Variants in RYR3 observed in about 807,000 individuals in gnomAD.
RYR3 encodes the protein ryanodine receptor 3, also known as brain ryanodine receptor-calcium release channel.
RYR3 carries 207 observed loss-of-function variants against 584.3 expected under a neutral mutation model. The ratio of observed to expected loss-of-function variants is 0.35; its 90% confidence interval spans 0.32 to 0.40. RYR3 has a LOEUF of 0.40. Among genes scored for constraint, RYR3 ranks in the 10% least tolerant of loss-of-function variants. RYR3 has a pLI of 1.00. For synonymous variants in RYR3, 2,416 were observed against 2,248.5 expected, an observed-to-expected ratio of 1.07 and a Z score of -2.11; for missense variants, 5,616 against 6,089.2, an observed-to-expected ratio of 0.92 and a Z score of 2.59.
intron 2 of RYR3, among the ~76,000 whole-genome samples, chr15:33,493,015 T>C (rs1353826575): frequency 1.1e-4 from 16 of 152,152 alleles, no homozygotes; most frequent in Admixed American, 1.0e-3. Flanking sequence ...GTAAGTGGAA[T>C]GGGAAAGGAA....
intron 1 of RYR3, among the ~76,000 whole-genome samples, chr15:33,416,529 A>C (rs2043821124): frequency 6.6e-6 from 1 of 151,920 alleles, no homozygotes; most frequent in African/African-American, 2.4e-5. Flanking sequence ...CTTACTTTTT[A>C]ATGGGTTATA....
chr15:33,482,489 C>T (rs143218439), intron 2 of RYR3, among the ~76,000 whole-genome samples: 4,345 of 152,076 alleles, frequency 0.029, 74 homozygotes, highest in African/African-American at 0.03. Context: ...GCGCCATCTC[C>T]GCTCCCTGCA....
chr15:33,496,547 G>T (rs548881473), intron 2 of RYR3, among the ~76,000 whole-genome samples: 3 of 152,066 alleles, frequency 2.0e-5, no homozygotes, highest in South Asian at 2.1e-4. Context: ...AAAAGCAAAG[G>T]GGGGAGACAA....
At chr15:33,857,712 T>G (rs890561969) in intron 98 of RYR3, 68 bp from the exon 99 acceptor site, 1 of 1,577,240 alleles carries the variant, frequency 6.3e-7, no homozygotes, top group Admixed American at 1.8e-5. Context: ...TTTCTTAGAG[T>G]CTCCTGTGAA....
At chr15:33,504,937 C>T (rs1326864515) in intron 3 of RYR3, among the ~76,000 whole-genome samples, 1 of 152,222 alleles carries the variant, frequency 6.6e-6, no homozygotes, top group Non-Finnish European at 1.5e-5. Flanking sequence ...TGAGAAGCCT[C>T]TGCTGACCCC....
At position 33,746,150 on chromosome 15, in the gene RYR3, C is replaced by T. The variant is rs200246566; in HGVS notation, c.7982C>T (p.Thr2661Met). Residue 2661 changes from threonine to methionine, a missense_variant, in exon 53 of 104, where the codon ACG (threonine) becomes ATG (methionine). Transcript: ENST00000634891. ...CTGATAAGGCCTTTCAAGACATTAACGGAGAAGGTAAGAAGCAGGCCTCTG... is the reference window on the plus strand; with the variant it reads ...CTGATAAGGCCTTTCAAGACATTAATGGAGAAGGTAAGAAGCAGGCCTCTG... ...HPLIRPFKTLTEKEKEIYRWP... is the reference protein window; with the variant it reads ...HPLIRPFKTLMEKEKEIYRWP... 120 of 1,591,314 alleles carry T rather than the reference C, an allele frequency of 7.5e-5. No homozygotes were observed. The African/African-American group carries it at 1.2e-3, about 17-fold the overall frequency.
At chr15:33,558,066 G>T (rs2057184215) in intron 10 of RYR3, among the ~76,000 whole-genome samples, 1 of 151,826 alleles carries the variant, frequency 6.6e-6, no homozygotes, top group Admixed American at 6.6e-5. Flanking sequence ...AGAAATCCCA[G>T]TTTTTTTTCT....
intron 1 of RYR3, among the ~76,000 whole-genome samples, chr15:33,442,483 T>C (rs779324564): frequency 2.0e-5 from 3 of 152,232 alleles, no homozygotes; most frequent in Non-Finnish European, 4.4e-5. Flanking sequence ...AGAGAACTAT[T>C]TGAGAATTTC....
At chr15:33,404,766 G>T (rs1240413224) in intron 1 of RYR3, among the ~76,000 whole-genome samples, 1 of 152,062 alleles carries the variant, frequency 6.6e-6, no homozygotes, top group African/African-American at 2.4e-5. Flanking sequence ...ACTTGTTTTT[G>T]AAGACTATAA....
intron 12 of RYR3, among the ~76,000 whole-genome samples, chr15:33,575,303 G>A (rs113981471): frequency 3.3e-5 from 5 of 152,066 alleles, no homozygotes; most frequent in African/African-American, 1.2e-4. Flanking sequence ...AACTCTCCAC[G>A]CAAAAACAAC....
At chr15:33,426,397 A>G (rs1341206390) in intron 1 of RYR3, among the ~76,000 whole-genome samples, 2 of 152,128 alleles carry the variant, frequency 1.3e-5, no homozygotes, top group Non-Finnish European at 2.9e-5. Context: ...AGAAGTGAGG[A>G]TGGGCCTTTG....
intron 47 of RYR3, 25 bp downstream of exon 47, chr15:33,729,051 T>G: frequency 6.2e-7 from 1 of 1,601,188 alleles, no homozygotes; most frequent in Non-Finnish European, 8.5e-7. Context: ...TAACAAAAAA[T>G]TATTGTTCCC....
At position 33,699,065 on chromosome 15, in the gene RYR3, C is replaced by A. The variant is rs76401581; in HGVS notation, c.6250-639C>A. On this transcript the variant is annotated intron_variant, in intron 40 of 103. Coordinates refer to ENST00000634891, the MANE Select transcript of RYR3 (RefSeq NM_001036.6). Reference sequence around the variant, plus strand: ...ATCAAATTACAAGTGCTATGGAATCCCATAGAAGAGCAATTATCAATGACA... The same window carrying A: ...ATCAAATTACAAGTGCTATGGAATCACATAGAAGAGCAATTATCAATGACA... 4.0e-3 allele frequency among the ~76,000 whole-genome samples: 607 copies of A among 152,154 alleles called. 2 individuals are homozygous for A. Among genetic ancestry groups the A allele is most frequent in the African/African-American group, 0.014 (571 of 41,502 alleles).
intron 67 of RYR3, among the ~76,000 whole-genome samples, chr15:33,793,295 C>T (rs1218525504): frequency 6.6e-6 from 1 of 152,156 alleles, no homozygotes; most frequent in Non-Finnish European, 1.5e-5. Context: ...CCCTGCATCT[C>T]ATACGAGCTT....
chr15:33,345,643 G>A (rs1043210808), intron 1 of RYR3, among the ~76,000 whole-genome samples: 2 of 152,070 alleles, frequency 1.3e-5, no homozygotes, highest in Non-Finnish European at 2.9e-5. Flanking sequence ...TTGTATTCTG[G>A]GTCCAGCCTG....
chr15:33,393,094 C>T (rs1480773420), intron 1 of RYR3, among the ~76,000 whole-genome samples: 1 of 152,216 alleles, frequency 6.6e-6, no homozygotes, highest in Non-Finnish European at 1.5e-5. Flanking sequence ...ATGGAACCAG[C>T]TCTATCAAGA....
At chr15:33,860,690 C>T in intron 101 of RYR3, 31 bp downstream of exon 101, 6 of 1,438,438 alleles carry the variant, frequency 4.2e-6, no homozygotes, top group Non-Finnish European at 5.8e-6. Flanking sequence ...AATCCCAGCT[C>T]TATTTTAATA....
chr15:33,634,004 A>G (rs776634420), intron 24 of RYR3, among the ~76,000 whole-genome samples: 2 of 152,158 alleles, frequency 1.3e-5, no homozygotes, highest in Non-Finnish European at 2.9e-5. Context: ...CAATTCTGTG[A>G]TGCTTCATTT....
Position 33,821,607 on chromosome 15 carries a change from C to T in RYR3, c.10995+5C>T, listed in dbSNP as rs374675684. ...GGCAATGCTGGTGTGCAACAGGTAACGGGAACTTGCAGCGGCTGGGCAGGC... is the reference window on the plus strand; with the variant it reads ...GGCAATGCTGGTGTGCAACAGGTAATGGGAACTTGCAGCGGCTGGGCAGGC... On this transcript the variant is annotated splice_donor_5th_base_variant and intron_variant, in intron 80 of 103. Coordinates refer to ENST00000634891, the MANE Select transcript of RYR3 (RefSeq NM_001036.6). 5.8e-5 allele frequency: 94 copies of T among 1,613,640 alleles called. No homozygotes were observed. The African/African-American group carries it at 6.3e-4, about 11-fold the overall frequency.
Sources: allele counts gnomAD v4.1 joint callset (sites outside exome capture counted in the v4.1 genomes callset), GRCh38; gene constraint gnomAD v4.1.1; transcripts MANE v1.5; gene names NCBI Gene and HGNC (gene_info 2026-07-23, HGNC 2026-07-21).